The following PIK3CA variants were observed in gnomAD, a reference collection of about 807,000 sequenced individuals.
The protein encoded by PIK3CA is phosphatidylinositol 4,5-bisphosphate 3-kinase catalytic subunit alpha isoform.
PIK3CA carries 27 observed loss-of-function variants against 138.2 expected under a neutral mutation model. The observed-to-expected ratio is 0.20, with a 90% CI of 0.14 to 0.27. The LOEUF (loss-of-function observed/expected upper bound fraction) is 0.27, where lower values mean the gene tolerates loss of function less well. Ranked by LOEUF, PIK3CA falls within the 10% of genes least tolerant of loss-of-function variation. PIK3CA has a pLI of 1.00. For missense variants in PIK3CA, 544 were observed against 1,277.4 expected (o/e 0.43, Z 8.75); for synonymous variants, 358 against 413.2 (o/e 0.87, Z 1.62).
Position 179,195,042 on chromosome 3 carries a change from G to T in PIK3CA, c.-76-3708G>T, listed in dbSNP as rs537355891. Among the ~76,000 whole-genome samples, 57 of 149,406 alleles carry T rather than the reference G, an allele frequency of 3.8e-4. 1 individual carries two copies. The South Asian group carries it at 0.012, about 30-fold the overall frequency. On this transcript the variant is annotated intron_variant, in intron 1 of 20. Coordinates refer to ENST00000263967, the MANE Select transcript of PIK3CA (RefSeq NM_006218.4). Reference sequence around the variant, plus strand: ...AAAAAAAAAAAAAACACAGGGTAGAGACAGATAACAAGGGATTCCTGACAC... The same window carrying T: ...AAAAAAAAAAAAAACACAGGGTAGATACAGATAACAAGGGATTCCTGACAC...
In PIK3CA at chr3:179,236,559, G is replaced by T; in HGVS notation, c.*2195G>T. 4.5e-6 allele frequency: 1 copy of T among 224,424 alleles called. No homozygotes were observed. Among genetic ancestry groups the T allele is most frequent in the East Asian group, 6.5e-5 (1 of 15,402 alleles). 13.9% of individuals were successfully genotyped at this position (224,424 alleles called of 1,614,324 possible). On this transcript the variant is annotated 3_prime_UTR_variant, in exon 21 of 21. Coordinates refer to ENST00000263967, the MANE Select transcript of PIK3CA (RefSeq NM_006218.4). ...TAACAGAGAACTGTGTTTTACCCGA[G>T]TGCCAAAAATGCTGTGAGCCTCCTT...
intron 1 of PIK3CA, among the ~76,000 whole-genome samples, chr3:179,155,002 A>C (rs1723099056): frequency 1.3e-5 from 2 of 152,326 alleles, no homozygotes; most frequent in Middle Eastern, 3.4e-3. Flanking sequence ...TGTCAGGTAC[A>C]CTTCGGATTT....
intron 1 of PIK3CA, among the ~76,000 whole-genome samples, chr3:179,193,667 G>A (rs1724192807): frequency 6.6e-6 from 1 of 152,098 alleles, no homozygotes; most frequent in Admixed American, 6.5e-5. Flanking sequence ...TAAGCAAATG[G>A]GACTGCTCTA....
intron 6 of PIK3CA, among the ~76,000 whole-genome samples, chr3:179,205,053 A>G (rs1724522976): frequency 7.4e-6 from 1 of 134,862 alleles, no homozygotes; most frequent in South Asian, 2.3e-4. Context: ...AAAAAAAAAA[A>G]AAATTAGCTA....
intron 3 of PIK3CA, among the ~76,000 whole-genome samples, chr3:179,200,660 C>T (rs1429708284): frequency 6.6e-6 from 1 of 152,122 alleles, no homozygotes; most frequent in Non-Finnish European, 1.5e-5. Flanking sequence ...CCCGAACATT[C>T]TTTGTGAAAA....
At chr3:179,170,633 A>G (rs1723537735) in intron 1 of PIK3CA, among the ~76,000 whole-genome samples, 1 of 152,230 alleles carries the variant, frequency 6.6e-6, no homozygotes, top group Non-Finnish European at 1.5e-5. Context: ...AACAGGCATC[A>G]AAATACTGGA....
At chr3:179,176,746 T>C (rs1439127216) in intron 1 of PIK3CA, among the ~76,000 whole-genome samples, 1 of 152,218 alleles carries the variant, frequency 6.6e-6, no homozygotes, top group Non-Finnish European at 1.5e-5. Flanking sequence ...TGGTTTCTAG[T>C]TTTTGCTTTC....
Position 179,151,694 on chromosome 3 carries a change from C to T in PIK3CA, c.-77+3091C>T, listed in dbSNP as rs1443327123. Among the ~76,000 whole-genome samples, 3 of 152,194 alleles carry T rather than the reference C, an allele frequency of 2.0e-5. No homozygotes were observed. The South Asian group carries it at 6.2e-4, about 31-fold the overall frequency. ...GCTTCTTTCTCTAGGTTTATTTCTCCTCCCTACTCCTGCAGCTCCCTTGGT... is the reference window on the plus strand; with the variant it reads ...GCTTCTTTCTCTAGGTTTATTTCTCTTCCCTACTCCTGCAGCTCCCTTGGT... On this transcript the variant is annotated intron_variant, in intron 1 of 20. Transcript: ENST00000263967.
At chr3:179,231,705 G>A (rs1291220870) in intron 20 of PIK3CA, among the ~76,000 whole-genome samples, 1 of 119,028 alleles carries the variant, frequency 8.4e-6, no homozygotes, top group Non-Finnish European at 1.6e-5. Flanking sequence ...ACAATGGCAT[G>A]ATCTCAGCTC....
intron 1 of PIK3CA, among the ~76,000 whole-genome samples, chr3:179,166,168 C>T (rs1723414234): frequency 1.3e-5 from 2 of 152,082 alleles, no homozygotes; most frequent in South Asian, 4.2e-4. Context: ...GTAATTAGTC[C>T]CATTTTCAGT....
intron 9 of PIK3CA, among the ~76,000 whole-genome samples, chr3:179,213,803 T>C (rs1237021840): frequency 1.3e-5 from 2 of 152,252 alleles, no homozygotes; most frequent in African/African-American, 4.8e-5. Flanking sequence ...CTTCTTCCAT[T>C]ATAAGACTGT....
At chr3:179,149,153 C>T (rs1195409569) in intron 1 of PIK3CA, among the ~76,000 whole-genome samples, 1 of 152,204 alleles carries the variant, frequency 6.6e-6, no homozygotes, top group African/African-American at 2.4e-5. Context: ...GCTCCCCTCA[C>T]CCCCGCCAGC....
intron 1 of PIK3CA, among the ~76,000 whole-genome samples, chr3:179,193,342 T>C (rs1279166171): frequency 6.6e-6 from 1 of 152,218 alleles, no homozygotes; most frequent in Non-Finnish European, 1.5e-5. Context: ...GCCTTTAGTT[T>C]ATAGTTTGTA....
At chr3:179,175,185 A>C (rs1246002493) in intron 1 of PIK3CA, among the ~76,000 whole-genome samples, 1 of 152,142 alleles carries the variant, frequency 6.6e-6, no homozygotes, top group East Asian at 1.9e-4. Context: ...TCTTGAAGAG[A>C]GATAACTGGG....
At chr3:179,152,382 T>G (rs1723035176) in intron 1 of PIK3CA, among the ~76,000 whole-genome samples, 1 of 152,196 alleles carries the variant, frequency 6.6e-6, no homozygotes, top group African/African-American at 2.4e-5. Context: ...TCATGTATAA[T>G]ACAGAGGGAT....
rs993307081 is a variant in PIK3CA, at chr3:179,208,330, A to G, written c.1146-1265A>G. Among the ~76,000 whole-genome samples, 17 of 152,224 alleles carry G rather than the reference A, an allele frequency of 1.1e-4. 1 individual carries two copies. The highest frequency in any genetic ancestry group is 3.9e-4 in the African/African-American group (16 of 41,472). ...ATAATCAAGATTAGACCAGAATGAT[A>G]AGACATTTGAAAAGTTTTTAAAATT... On this transcript the variant is annotated intron_variant, in intron 6 of 20. Transcript: ENST00000263967.
At chr3:179,167,911 G>T (rs1191826053) in intron 1 of PIK3CA, among the ~76,000 whole-genome samples, 1 of 152,076 alleles carries the variant, frequency 6.6e-6, no homozygotes, top group East Asian at 1.9e-4. Context: ...CATAAAAACG[G>T]TATTCAGCGT....
intron 1 of PIK3CA, among the ~76,000 whole-genome samples, chr3:179,198,433 A>G (rs1034402177): frequency 6.6e-6 from 1 of 152,208 alleles, no homozygotes; most frequent in Admixed American, 6.5e-5. Flanking sequence ...TTGAATTGCA[A>G]CTTACTTTTC....
chr3:179,234,966 A>G lies in PIK3CA; in HGVS notation c.*602A>G, dbSNP rs1359751102. 4.5e-6 allele frequency: 1 copy of G among 221,132 alleles called. No homozygotes were observed. Among genetic ancestry groups the G allele is most frequent in the East Asian group, 6.6e-5 (1 of 15,178 alleles). The allele number at this position is 221,132 out of a possible 1,614,324, so 13.7% of individuals were successfully genotyped here. On this transcript the variant is annotated 3_prime_UTR_variant, in exon 21 of 21. Transcript: ENST00000263967. This position sits in a 1 kb window ranked among gnomAD's most constrained non-coding sequence, Gnocchi z 5.1. The stretch of plus-strand genomic sequence containing the variant: ...TTTCACCAGAGACTTTTTCTTTTTA[A>G]TAAATCAAACCTTTTGATGATTTGA...
Sources: allele counts gnomAD v4.1 joint callset (sites outside exome capture counted in the v4.1 genomes callset), GRCh38; gene constraint gnomAD v4.1.1; non-coding constraint Gnocchi (gnomAD v3.1); transcripts MANE v1.5; gene names NCBI Gene and HGNC (gene_info 2026-07-23, HGNC 2026-07-21).